NWD1: variants seen among roughly 807,000 people sequenced by gnomAD.
NWD1 encodes NACHT domain- and WD repeat-containing protein 1.
A neutral mutation model predicts 135.1 loss-of-function variants in NWD1; 129 were observed. The observed-to-expected ratio is 0.96, with a 90% CI of 0.83 to 1.11. NWD1 has a LOEUF of 1.11. Ranked by LOEUF, NWD1 falls within the 50% of genes least tolerant of loss-of-function variation. NWD1 has a pLI of 0.00. For synonymous variants in NWD1, 773 were observed against 786.0 expected (o/e 0.98, Z 0.28); for missense variants, 1,740 against 1,851.3 (o/e 0.94, Z 1.10).
chr19:16,765,372 C>T (rs1323264050), intron 10 of NWD1, among the ~76,000 whole-genome samples, 180 bp downstream of exon 10: 3 of 152,188 alleles, frequency 2.0e-5, no homozygotes, highest in African/African-American at 7.2e-5. Context: ...ATCGCTGTGT[C>T]ACCCAGGCTG....
intron 12 of NWD1, 28 bp from the exon 13 acceptor site, chr19:16,788,954 T>C (rs754688171): frequency 1.3e-5 from 20 of 1,568,684 alleles, no homozygotes; most frequent in Non-Finnish European, 1.7e-5. Context: ...CCAGCTAATA[T>C]ACTCTCCCCT....
chr19:16,753,829 TCATC>T (rs79060014), intron 6 of NWD1, among the ~76,000 whole-genome samples: 8,763 of 134,892 alleles, frequency 0.065, 305 homozygotes, highest in African/African-American at 0.099. Context: ...ATCATCTCTA[TCATC>T]CATCCATCCA....
chr19:16,753,971 A>G (rs1968680582), intron 6 of NWD1, among the ~76,000 whole-genome samples: 1 of 149,350 alleles, frequency 6.7e-6, no homozygotes, highest in Non-Finnish European at 1.5e-5. Flanking sequence ...AATTCCATCT[A>G]TCCTTCCATC....
rs1052806958 is a variant in NWD1, at chr19:16,817,223, C to T, written c.*2184C>T. On this transcript the variant is annotated 3_prime_UTR_variant, in exon 19 of 19. Transcript: ENST00000524140. The stretch of plus-strand genomic sequence containing the variant: ...GCTGAGTCAGGAGAATCACTTGAAC[C>T]CGGGAGGCGGAGGTTGCAGTGAGCT... 19 of 152,144 alleles carry T rather than the reference C, an allele frequency of 1.2e-4. No homozygotes were observed. Among genetic ancestry groups the T allele is most frequent in the African/African-American group, 4.4e-4 (18 of 41,366 alleles). 9.4% of individuals were successfully genotyped at this position (152,144 alleles called of 1,614,324 possible). A position where few individuals can be genotyped will look rare whatever the true frequency, so the allele number is the denominator to read the frequency against.
rs1290986119 is a variant in NWD1 at position 16,744,642 on chromosome 19, C to T, written c.420C>T (p.Val140=). ...CAGAGGAGGCCACCTTAACTTCTGT[C>T]CTACGCTCTGGAGCCCAGGAGGCCC... is the stretch of plus-strand genomic sequence containing the variant. ...CEPEEATLTS[V]LRSGAQEARR... Residue 140 remains valine, a synonymous_variant, in exon 5 of 19, where the codon GTC becomes GTT. Transcript: ENST00000524140. 1 of 1,535,542 alleles carries T rather than the reference C, an allele frequency of 6.5e-7. No homozygotes were observed. Among genetic ancestry groups the T allele is most frequent in the Admixed American group, 2.0e-5 (1 of 50,908 alleles).
intron 6 of NWD1, 74 bp downstream of exon 6, chr19:16,750,485 G>A: frequency 8.3e-7 from 1 of 1,202,944 alleles, no homozygotes; most frequent in Non-Finnish European, 1.1e-6. Flanking sequence ...ATGGAGGTCT[G>A]GCTATGTCAC....
chr19:16,750,521 C>G (rs1968534587), intron 6 of NWD1, 110 bp downstream of exon 6: 1 of 817,824 alleles, frequency 1.2e-6, no homozygotes, highest in Non-Finnish European at 1.8e-6. Flanking sequence ...GTGGTGTGAT[C>G]ATAGCTCACT....
chr19:16,757,408 A>G (rs1187599300), intron 6 of NWD1, among the ~76,000 whole-genome samples: 3 of 152,222 alleles, frequency 2.0e-5, no homozygotes, highest in Non-Finnish European at 4.4e-5. Context: ...GGCTACTGGA[A>G]GGACCAATGA....
At chr19:16,753,132 C>A (rs1968644210) in intron 6 of NWD1, among the ~76,000 whole-genome samples, 1 of 152,192 alleles carries the variant, frequency 6.6e-6, no homozygotes, top group Admixed American at 6.5e-5. Flanking sequence ...GCTTCTCCTT[C>A]CTTCTCCCTC....
At chr19:16,727,784 A>C (rs75898412) in intron 2 of NWD1, 1 of 152,736 alleles carries the variant, frequency 6.5e-6, no homozygotes, top group East Asian at 1.9e-4. Context: ...ACGTGAACCA[A>C]GTACTGTGTT....
intron 2 of NWD1, among the ~76,000 whole-genome samples, chr19:16,725,189 T>G (rs932453241): frequency 6.6e-6 from 1 of 151,306 alleles, no homozygotes; most frequent in African/African-American, 2.4e-5. Context: ...AATTTTTGTA[T>G]TTTTAGTAGA....
intron 17 of NWD1, among the ~76,000 whole-genome samples, chr19:16,806,649 T>C (rs1970753418): frequency 6.6e-6 from 1 of 152,006 alleles, no homozygotes; most frequent in Admixed American, 6.6e-5. Context: ...AGGTTGAGGC[T>C]GCAGTGAGCC....
intron 6 of NWD1, among the ~76,000 whole-genome samples, chr19:16,758,120 C>T (rs990906145): frequency 6.6e-6 from 1 of 151,826 alleles, no homozygotes; most frequent in Non-Finnish European, 1.5e-5. Context: ...ATGGTAACTA[C>T]AAGCCACAAA....
At chr19:16,759,524 C>A in intron 7 of NWD1, 96 bp downstream of exon 7, 1 of 841,598 alleles carries the variant, frequency 1.2e-6, no homozygotes, top group Non-Finnish European at 1.9e-6. Flanking sequence ...AGATCCTTCA[C>A]TTACCATTCC....
intron 3 of NWD1, among the ~76,000 whole-genome samples, chr19:16,735,428 C>T (rs978694418): frequency 6.6e-6 from 1 of 150,506 alleles, no homozygotes; most frequent in African/African-American, 2.5e-5. Flanking sequence ...ATTGCTTGAA[C>T]TCGGGAGGCG....
At chr19:16,789,235 G>C (rs567350719) in intron 13 of NWD1, 45 bp downstream of exon 13, 2 of 1,504,664 alleles carry the variant, frequency 1.3e-6, no homozygotes, top group East Asian at 4.5e-5. Context: ...TGAGACCAGA[G>C]CATTCAAAGA....
chr19:16,749,844 T>C lies in NWD1; in HGVS notation c.1202T>C (p.Leu401Ser). ...FQVCLAYGLP[L>S]PPAQVLDAHT... Reference sequence around the variant, plus strand: ...GTGTGCCTGGCCTATGGGCTGCCCTTGCCCCCTGCCCAGGTTCTGGACGCC... The same window carrying C: ...GTGTGCCTGGCCTATGGGCTGCCCTCGCCCCCTGCCCAGGTTCTGGACGCC... Residue 401 changes from leucine to serine, a missense_variant, in exon 6 of 19, where the codon TTG becomes TCG. Leu to Ser is a moderately radical substitution (Grantham distance 145). Coordinates refer to ENST00000524140, the MANE Select transcript of NWD1 (RefSeq NM_001007525.5). 1 of 1,612,200 alleles carries C rather than the reference T, an allele frequency of 6.2e-7. No homozygotes were observed. Among genetic ancestry groups the C allele is most frequent in the Non-Finnish European group, 8.5e-7 (1 of 1,179,262 alleles).
chr19:16,779,862 T>C (rs1471734885), intron 12 of NWD1, among the ~76,000 whole-genome samples: 2 of 152,082 alleles, frequency 1.3e-5, no homozygotes, highest in Non-Finnish European at 2.9e-5. Context: ...TCTGAAACTC[T>C]TGGGCTCAAG....
At chr19:16,760,502 C>T (rs927336089) in intron 7 of NWD1, among the ~76,000 whole-genome samples, 1 of 152,036 alleles carries the variant, frequency 6.6e-6, no homozygotes, top group African/African-American at 2.4e-5. Context: ...TCAAGAGACA[C>T]ACCCACATCG....
Sources: allele counts gnomAD v4.1 joint callset (sites outside exome capture counted in the v4.1 genomes callset), GRCh38; gene constraint gnomAD v4.1.1; transcripts MANE v1.5; gene names NCBI Gene and HGNC (gene_info 2026-07-23, HGNC 2026-07-21).